Variants in AFDN observed in about 807,000 individuals in gnomAD.
AFDN encodes the protein afadin, adherens junction formation factor, also known as afadin.
Under a neutral mutation model 216.6 loss-of-function variants are expected in AFDN, and 68 were observed. The observed-to-expected ratio is 0.31, with a 90% CI of 0.26 to 0.38. AFDN has a LOEUF of 0.38. Among genes scored for constraint, AFDN ranks in the 10% least tolerant of loss-of-function variants. AFDN has a pLI of 1.00. For missense variants in AFDN, 2,136 were observed against 2,342.0 expected (o/e 0.91, Z 1.82); for synonymous variants, 868 against 853.7 (o/e 1.02, Z -0.29).
intron 16 of AFDN, chr6:167,913,721 A>T (rs929564655): frequency 1.5e-5 from 7 of 473,348 alleles, no homozygotes; most frequent in Non-Finnish European, 2.6e-5. Flanking sequence ...TGGCCTGCAC[A>T]TGTGGTCGGG....
Position 167,948,456 on chromosome 6 carries a change from A to G in AFDN, c.3809A>G (p.Asn1270Ser). ...EEKPHMHTDS[N>S]HSSIAIQRVT... ...AAGCCACATATGCACACAGATAGTAATCATTCCAGTATTGCAATTCAGGTT... is the reference window on the plus strand; with the variant it reads ...AAGCCACATATGCACACAGATAGTAGTCATTCCAGTATTGCAATTCAGGTT... The change falls in exon 29 of 34, where the codon AAT (asparagine) becomes AGT (serine). Residue 1270 changes from asparagine (N) to serine (S), a missense_variant. Transcript: ENST00000683244. 1 of 1,614,180 alleles carries G rather than the reference A, an allele frequency of 6.2e-7. No homozygotes were observed.
intron 18 of AFDN, 101 bp from the exon 19 acceptor site, chr6:167,915,067 A>G (rs1218320786): frequency 3.2e-6 from 4 of 1,237,632 alleles, no homozygotes; most frequent in Non-Finnish European, 3.4e-6. Flanking sequence ...ATTAAACGGC[A>G]CTTACTACCA....
chr6:167,829,252 G>C (rs1203241145), intron 1 of AFDN, among the ~76,000 whole-genome samples: 1 of 152,018 alleles, frequency 6.6e-6, no homozygotes, highest in Non-Finnish European at 1.5e-5. Context: ...CTATATAGTG[G>C]CTGGCTCACA....
chr6:167,924,033 TTCAC>T (rs1792172877), intron 22 of AFDN, among the ~76,000 whole-genome samples: 1 of 152,202 alleles, frequency 6.6e-6, no homozygotes, highest in African/African-American at 2.4e-5. Context: ...TCTAGGTAGA[TTCAC>T]TCATTCCTCG....
Position 167,946,715 on chromosome 6 carries a change from C to G in AFDN, c.3367C>G (p.Arg1123Gly). 1 of 1,613,392 alleles carries G rather than the reference C, an allele frequency of 6.2e-7. No individual in the cohort carries two copies. The highest frequency in any genetic ancestry group is 1.3e-5 in the African/African-American group (1 of 74,978). Residue 1123 changes from arginine to glycine, a missense_variant, in exon 27 of 34, where the codon CGT becomes GGT. This residue lies in a region of AFDN where 981 missense variants were observed against 966.0 expected (regional missense o/e 1.02). Transcript: ENST00000683244. ...ATATGCTTTGATTCCAGTTTCAGAT[C>G]GTCGTGGCTCAGGTAAACCCCGACC... ...PSPMMQRISD[R>G]RGSGKPRPKS...
intron 11 of AFDN, among the ~76,000 whole-genome samples, chr6:167,900,923 A>C (rs1364969296): frequency 1.3e-5 from 2 of 152,238 alleles, no homozygotes; most frequent in Admixed American, 6.5e-5. Context: ...TATTGCAGAA[A>C]GTTGTGTGCA....
chr6:167,865,451 TAAAAA>T (rs573727484), intron 2 of AFDN, among the ~76,000 whole-genome samples: 1 of 143,950 alleles, frequency 6.9e-6, no homozygotes, highest in Non-Finnish European at 1.5e-5. Flanking sequence ...CACAAAAAAA[TAAAAA>T]AAAAAAGTTA....
chr6:167,908,580 T>C (rs1424349424), intron 13 of AFDN, among the ~76,000 whole-genome samples: 10 of 152,324 alleles, frequency 6.6e-5, no homozygotes, highest in Non-Finnish European at 1.2e-4. Flanking sequence ...CTCATAAATA[T>C]TTGAGTAAAT....
At chr6:167,903,008 CTCAG>C (rs1473624323) in intron 12 of AFDN, among the ~76,000 whole-genome samples, 5 of 152,204 alleles carry the variant, frequency 3.3e-5, no homozygotes, top group African/African-American at 4.8e-5. Flanking sequence ...GTTAGCCTTG[CTCAG>C]TCAGAGTACC....
intron 32 of AFDN, among the ~76,000 whole-genome samples, chr6:167,967,757 T>C (rs994726475): frequency 2.0e-5 from 3 of 152,162 alleles, no homozygotes; most frequent in South Asian, 2.1e-4. Flanking sequence ...TTCTTCGTAA[T>C]GTACAGAGCC....
At chr6:167,949,222 G>A (rs1000958706) in intron 29 of AFDN, among the ~76,000 whole-genome samples, 3 of 152,224 alleles carry the variant, frequency 2.0e-5, no homozygotes, top group Non-Finnish European at 4.4e-5. Context: ...TTAAAGGTAT[G>A]CTTAAAAATA....
chr6:167,955,526 T>A (rs1012421707), intron 30 of AFDN, among the ~76,000 whole-genome samples: 2 of 152,156 alleles, frequency 1.3e-5, no homozygotes, highest in Admixed American at 1.3e-4. Flanking sequence ...GTGTGAGATA[T>A]TCATTCAGCA....
intron 1 of AFDN, among the ~76,000 whole-genome samples, chr6:167,840,416 G>A (rs918669933): frequency 4.6e-5 from 7 of 151,978 alleles, no homozygotes; most frequent in Non-Finnish European, 8.8e-5. Flanking sequence ...TGACAGATAC[G>A]GTTTCTGAGC....
chr6:167,871,120 G>A (rs537293148), intron 3 of AFDN, among the ~76,000 whole-genome samples: 12 of 54,202 alleles, frequency 2.2e-4, no homozygotes, highest in South Asian at 6.9e-4. Context: ...CCCCCGCCCC[G>A]CCCCCCAACA....
upstream of AFDN, chr6:167,826,804 A>G: frequency 6.8e-6 from 1 of 147,172 alleles, no homozygotes; most frequent in East Asian, 2.0e-4. Context: ...AGCGGCCCGG[A>G]GGTGCGGCGG....
intron 23 of AFDN, among the ~76,000 whole-genome samples, chr6:167,930,165 A>G (rs1348114674): frequency 1.3e-5 from 2 of 152,106 alleles, no homozygotes; most frequent in Admixed American, 6.5e-5. Context: ...TTTTTTCATC[A>G]TTGCACCCCA....
At chr6:167,875,661 A>G (rs865837729) in intron 5 of AFDN, among the ~76,000 whole-genome samples, 166 bp downstream of exon 5, 6 of 152,156 alleles carry the variant, frequency 3.9e-5, no homozygotes, top group Non-Finnish European at 5.9e-5. Flanking sequence ...CCCTATGTAC[A>G]AGAGTCCTGT....
rs1293468946 is a variant in AFDN at position 167,916,203 on chromosome 6, G to A, written c.2565+770G>A. The stretch of plus-strand genomic sequence containing the variant: ...CATCCCAGTCCCTGCCTTTGTCTTC[G>A]TACGGCATTCTCCTTGTTTGCCTGT... On this transcript the variant is annotated intron_variant, in intron 19 of 33. Transcript: ENST00000683244. Among the ~76,000 whole-genome samples the A allele has an allele frequency of 5.3e-5, 8 of 152,234 alleles. 1 individual carries two copies. Among genetic ancestry groups the A allele is most frequent in the East Asian group, 1.9e-4 (1 of 5,180 alleles).
chr6:167,928,149 C>A (rs1355073492), intron 23 of AFDN, among the ~76,000 whole-genome samples: 1 of 152,220 alleles, frequency 6.6e-6, no homozygotes, highest in Non-Finnish European at 1.5e-5. Flanking sequence ...TAATTTACTT[C>A]TGCATTCAGT....
Sources: gnomAD v4.1 joint callset for allele counts (sites outside exome capture counted in the v4.1 genomes callset) on GRCh38, gnomAD v4.1.1 for gene constraint, gnomAD v4.1.1 regional missense constraint, MANE v1.5 for transcripts, NCBI Gene and HGNC (gene_info 2026-07-23, HGNC 2026-07-21) for gene names.